Variants in THSD7B observed in about 807,000 individuals in gnomAD.
THSD7B encodes thrombospondin type 1 domain containing 7B.
A neutral mutation model predicts 213.6 loss-of-function variants in THSD7B; 138 were observed. The observed-to-expected ratio is 0.65, with a 90% confidence interval of 0.56 to 0.74. The LOEUF (loss-of-function observed/expected upper bound fraction) is 0.74, where lower values mean the gene tolerates loss of function less well. Among genes scored for constraint, THSD7B ranks in the 30% least tolerant of loss-of-function variants. THSD7B has a pLI of 0.00. For synonymous variants in THSD7B, 742 were observed against 687.0 expected, an observed-to-expected ratio of 1.08 and a Z score of -1.25; for missense variants, 1,931 against 1,991.5, an observed-to-expected ratio of 0.97 and a Z score of 0.58.
intron 2 of THSD7B, among the ~76,000 whole-genome samples, chr2:136,994,395 T>C (rs1163111869): frequency 6.6e-6 from 1 of 151,782 alleles, no homozygotes; most frequent in Non-Finnish European, 1.5e-5. Context: ...TGAAACCCCG[T>C]CTCTACTAAA....
At chr2:137,350,543 A>G (rs1183754702) in intron 12 of THSD7B, among the ~76,000 whole-genome samples, 1 of 151,824 alleles carries the variant, frequency 6.6e-6, no homozygotes, top group Non-Finnish European at 1.5e-5. Context: ...ACATTCATGT[A>G]TCTAGACGTT....
At position 137,199,242 on chromosome 2, in the gene THSD7B, T is replaced by C. The variant is rs1231536527; in HGVS notation, c.1723+28304T>C. Among the ~76,000 whole-genome samples, 3 of 152,238 alleles carry C rather than the reference T, an allele frequency of 2.0e-5. No homozygotes were observed. The East Asian group carries it at 5.8e-4, about 29-fold the overall frequency. Reference sequence around the variant, plus strand: ...TTTTCCCAGTCATTTCATTTTTCTTTCTTTTCTAAAAAATATATCGAAAGA... The same window carrying C: ...TTTTCCCAGTCATTTCATTTTTCTTCCTTTTCTAAAAAATATATCGAAAGA... On this transcript the variant is annotated intron_variant, in intron 7 of 27. Coordinates refer to ENST00000409968, the MANE Select transcript of THSD7B (RefSeq NM_001316349.2).
rs866595201 is a variant in THSD7B at position 137,404,772 on chromosome 2, A to G, written c.2501-841A>G. Among the ~76,000 whole-genome samples, 3 of 151,974 alleles carry G rather than the reference A, an allele frequency of 2.0e-5. No homozygotes were observed. The East Asian group carries it at 5.8e-4, about 29-fold the overall frequency. ...ACTCAGGAATGGAAAACCAAACATC[A>G]TATGCTCTCACTGATATGTGGGAAC... On this transcript the variant is annotated intron_variant, in intron 12 of 27. Coordinates refer to ENST00000409968, the MANE Select transcript of THSD7B (RefSeq NM_001316349.2).
intron 17 of THSD7B, among the ~76,000 whole-genome samples, chr2:137,575,935 C>T (rs1681452268): frequency 6.6e-6 from 1 of 151,906 alleles, no homozygotes; most frequent in Non-Finnish European, 1.5e-5. Flanking sequence ...TTACTTACCA[C>T]CCAATGTTCT....
intron 12 of THSD7B, among the ~76,000 whole-genome samples, chr2:137,372,351 T>TTTA (rs1553444114): frequency 1.5e-5 from 2 of 130,814 alleles, no homozygotes; most frequent in Non-Finnish European, 3.2e-5. Flanking sequence ...TTTTTTTTTT[T>TTTA]AATATTTAAA....
intron 1 of THSD7B, among the ~76,000 whole-genome samples, chr2:136,787,145 G>A (rs555936441): frequency 6.6e-6 from 1 of 152,100 alleles, no homozygotes; most frequent in Non-Finnish European, 1.5e-5. Context: ...TTTAGAAAAT[G>A]ATGGAATTCA....
chr2:136,950,542 T>C (rs1685019055), intron 2 of THSD7B, among the ~76,000 whole-genome samples: 1 of 152,220 alleles, frequency 6.6e-6, no homozygotes, highest in Non-Finnish European at 1.5e-5. Context: ...TGCCTGTCCT[T>C]GTCATAAACG....
At chr2:137,550,850 T>A (rs988547658) in intron 15 of THSD7B, among the ~76,000 whole-genome samples, 9 of 152,070 alleles carry the variant, frequency 5.9e-5, no homozygotes, top group African/African-American at 2.2e-4. Context: ...GTGCTTTAGA[T>A]CATTAGAAAA....
Position 137,389,404 on chromosome 2 carries a change from T to C in THSD7B, c.2501-16209T>C, listed in dbSNP as rs1356665029. On this transcript the variant is annotated intron_variant, in intron 12 of 27. Coordinates refer to ENST00000409968, the MANE Select transcript of THSD7B (RefSeq NM_001316349.2). Reference sequence around the variant, plus strand: ...TAGTTTGACCACTTCTTAATGTGATTTTTTTTTTTTTTTTTTTTTTTTTTT... The same window carrying C: ...TAGTTTGACCACTTCTTAATGTGATCTTTTTTTTTTTTTTTTTTTTTTTTT... 3.8e-3 allele frequency among the ~76,000 whole-genome samples: 63 copies of C among 16,710 alleles called. 3 individuals carry two copies. Among genetic ancestry groups the C allele is most frequent in the Non-Finnish European group, 0.017 (44 of 2,614 alleles). 11.0% of individuals were successfully genotyped at this position (16,710 alleles called of 152,430 possible).
Position 137,663,455 on chromosome 2 carries a change from A to G in THSD7B, c.4531A>G (p.Lys1511Glu). ...AAATGGTTTCCTGGATTACTGCATGAAAGTACCAGGCTCAGAGGATAAAAA... is the reference window on the plus strand; with the variant it reads ...AAATGGTTTCCTGGATTACTGCATGGAAGTACCAGGCTCAGAGGATAAAAA... ...KSNGFLDYCM[K>E]VPGSEDKKAD... Residue 1511 changes from lysine to glutamate, a missense_variant, in exon 26 of 28, where the codon AAA becomes GAA. By Grantham distance (56) the Lys-to-Glu change is moderately conservative. Transcript: ENST00000409968. 1 of 1,597,216 alleles carries G rather than the reference A, an allele frequency of 6.3e-7. No individual in the cohort carries two copies. Among genetic ancestry groups the G allele is most frequent in the Non-Finnish European group, 8.5e-7 (1 of 1,170,822 alleles).
intron 7 of THSD7B, among the ~76,000 whole-genome samples, chr2:137,197,980 G>T (rs1258650868): frequency 6.6e-6 from 1 of 152,142 alleles, no homozygotes; most frequent in South Asian, 2.1e-4. Flanking sequence ...AGTATGTGTT[G>T]TGGGGAGGTT....
intron 15 of THSD7B, among the ~76,000 whole-genome samples, chr2:137,545,722 A>G (rs1680694549): frequency 6.6e-6 from 1 of 151,896 alleles, no homozygotes; most frequent in African/African-American, 2.4e-5. Flanking sequence ...TATACTTCCT[A>G]GAGTTCAGTC....
intron 3 of THSD7B, among the ~76,000 whole-genome samples, chr2:137,083,249 A>G (rs1400014860): frequency 6.6e-6 from 1 of 152,144 alleles, no homozygotes; most frequent in Middle Eastern, 3.2e-3. Context: ...AATAACACCT[A>G]AGTTACCTCA....
rs559040733 is a variant in THSD7B, at chr2:137,092,670, C to T, written c.951-2203C>T. ...TTTTTTGTTTTTTTGAGACTTTGCC[C>T]GTCACCCAGGCTGGAGTGCGGTGGT... On this transcript the variant is annotated intron_variant, in intron 3 of 27. Transcript: ENST00000409968. Among the ~76,000 whole-genome samples, 19 of 152,050 alleles carry T rather than the reference C, an allele frequency of 1.2e-4. No homozygotes were observed. In the East Asian group the frequency reaches 1.7e-3, roughly 14 times the overall value.
At chr2:137,196,387 T>TG (rs1454986930) in intron 7 of THSD7B, among the ~76,000 whole-genome samples, 1 of 147,516 alleles carries the variant, frequency 6.8e-6, no homozygotes, top group African/African-American at 2.5e-5. Context: ...TTTTTTTTTT[T>TG]TTTTTTTTTT....
At chr2:137,675,997 A>G (rs1314457509) in intron 27 of THSD7B, among the ~76,000 whole-genome samples, 1 of 152,158 alleles carries the variant, frequency 6.6e-6, no homozygotes, top group African/African-American at 2.4e-5. Flanking sequence ...GACCTGGCAA[A>G]GTTGTGGACT....
At chr2:137,272,782 T>C (rs142902836) in intron 11 of THSD7B, 120 bp downstream of exon 11, 2 of 1,064,634 alleles carry the variant, frequency 1.9e-6, no homozygotes, top group Admixed American at 2.6e-5. Flanking sequence ...CATTTACATA[T>C]CTTCAAATAC....
At chr2:137,260,962 A>T (rs1016779979) in intron 10 of THSD7B, among the ~76,000 whole-genome samples, 1 of 151,832 alleles carries the variant, frequency 6.6e-6, no homozygotes. Flanking sequence ...TACCAGGTTT[A>T]TTTTATTTTA....
intron 15 of THSD7B, among the ~76,000 whole-genome samples, chr2:137,551,870 T>A (rs1482927483): frequency 6.6e-6 from 1 of 152,112 alleles, no homozygotes; most frequent in African/African-American, 2.4e-5. Flanking sequence ...CTTGAGCATC[T>A]GGCTTAAAAT....
Sources: allele counts gnomAD v4.1 joint callset (sites outside exome capture counted in the v4.1 genomes callset), GRCh38; gene constraint gnomAD v4.1.1; transcripts MANE v1.5; gene names NCBI Gene and HGNC (gene_info 2026-07-23, HGNC 2026-07-21).